Variants in OR2G6 observed in about 807,000 individuals in gnomAD.
OR2G6 encodes the protein olfactory receptor 2G6.
For missense variants in OR2G6, 457 were observed against 391.3 expected (o/e 1.17, Z -1.42); for synonymous variants, 183 against 155.2 (o/e 1.18, Z -1.33).
intron 1 of OR2G6, among the ~76,000 whole-genome samples, chr1:248,520,873 A>AAAAT (rs1553328203): frequency 7.5e-6 from 1 of 133,394 alleles, no homozygotes. Context: ...TATATATAAA[A>AAAAT]ATATATATAT....
chr1:248,522,315 A>G lies in OR2G6; in HGVS notation c.669A>G (p.Gln223=), dbSNP rs1157505483. The part of the protein sequence containing the change: ...LILVSYGFIT[Q]AVLRIKSAAG... ...TAGTCTCCTATGGCTTTATCACTCAAGCTGTGTTAAGGATAAAATCAGCTG... is the reference window on the plus strand; with the variant it reads ...TAGTCTCCTATGGCTTTATCACTCAGGCTGTGTTAAGGATAAAATCAGCTG... Residue 223 remains glutamine (Q), a synonymous_variant, in exon 2 of 2, where the codon CAA becomes CAG. Transcript: ENST00000641804. 1.2e-6 allele frequency: 2 copies of G among 1,614,010 alleles called. No homozygotes were observed. The highest frequency in any genetic ancestry group is 1.3e-5 in the African/African-American group (1 of 74,896).
Position 248,521,970 on chromosome 1 carries a change from C to A in OR2G6, c.324C>A (p.Gly108=), listed in dbSNP as rs148547980. ...AGCTCTATGTGGCCATGGGGTTGGGCTCGTCTGAGTGTATTCTCTTGGCCG... is the reference window on the plus strand; with the variant it reads ...AGCTCTATGTGGCCATGGGGTTGGGATCGTCTGAGTGTATTCTCTTGGCCG... The part of the protein sequence containing the change: ...VAQLYVAMGL[G]SSECILLAVM... The change falls in exon 2 of 2, where the codon GGC becomes GGA. Residue 108 remains glycine, a synonymous_variant. Transcript: ENST00000641804. 6 of 1,614,036 alleles carry A rather than the reference C, an allele frequency of 3.7e-6. No homozygotes were observed. The highest frequency in any genetic ancestry group is 4.2e-6 in the Non-Finnish European group (5 of 1,180,032).
rs1338623292 is a variant in OR2G6, at chr1:248,527,031, AT to A, written c.*4436del. On this transcript the variant is annotated 3_prime_UTR_variant, in exon 2 of 2. Coordinates refer to ENST00000641804, the MANE Select transcript of OR2G6 (RefSeq NM_001013355.2). The stretch of plus-strand genomic sequence containing the variant: ...TTTGTCAATTTTGGCTTTTGTTGCC[AT>A]TGCTTTTGGTGTTTTAGACATGAAG... The A allele has an allele frequency of 2.0e-5, 3 of 152,064 alleles. No homozygotes were observed. The highest frequency in any genetic ancestry group is 7.2e-5 in the African/African-American group (3 of 41,384). The allele number at this position is 152,064 out of a possible 1,614,324, so 9.4% of individuals were successfully genotyped here. A position where few individuals can be genotyped will look rare whatever the true frequency, so the allele number is the denominator to read the frequency against.
Position 248,522,814 on chromosome 1 carries a change from T to TAAAG in OR2G6, c.*220_*223dup. 1 of 522,586 alleles carries TAAAG rather than the reference T, an allele frequency of 1.9e-6. No individual in the cohort carries two copies. Among genetic ancestry groups the TAAAG allele is most frequent in the Non-Finnish European group, 3.4e-6 (1 of 298,230 alleles). The allele number at this position is 522,586 out of a possible 1,614,324, so 32.4% of individuals were successfully genotyped here. A position where few individuals can be genotyped will look rare whatever the true frequency, so the allele number is the denominator to read the frequency against. On this transcript the variant is annotated 3_prime_UTR_variant, in exon 2 of 2. Transcript: ENST00000641804. Reference sequence around the variant, plus strand: ...CAGGGACTAGGAAGCATTGGAATTCTAAAGAAGAGAAACACACCAAAGCAG... The same window carrying TAAAG: ...CAGGGACTAGGAAGCATTGGAATTCTAAAGAAAGAAGAGAAACACACCAAAGCAG...
Position 248,522,363 on chromosome 1 carries a change from G to A in OR2G6, c.717G>A (p.Gly239=), listed in dbSNP as rs779028414. 1.7e-5 allele frequency: 28 copies of A among 1,614,134 alleles called. 1 individual carries two copies. The South Asian group carries it at 3.0e-4, about 17-fold the overall frequency. The change falls in exon 2 of 2, where the codon GGG becomes GGA. Residue 239 remains glycine (G), a synonymous_variant. Transcript: ENST00000641804. ...KSAAGRQKAF[G]TCSSHLVVVI... is the part of the protein sequence containing the mutation. ...CTGCGGGCCGCCAAAAGGCCTTTGG[G>A]ACCTGTTCGTCTCACCTGGTTGTGG...
At chr1:248,519,685 G>T (rs933479454) in intron 1 of OR2G6, among the ~76,000 whole-genome samples, 1 of 152,026 alleles carries the variant, frequency 6.6e-6, no homozygotes. Flanking sequence ...TGTTCCATTG[G>T]TCTATATATC....
chr1:248,521,605 A>C lies in OR2G6; in HGVS notation c.-36-6A>C. On this transcript the variant is annotated splice_polypyrimidine_tract_variant and splice_region_variant and intron_variant, in intron 1 of 1. Coordinates refer to ENST00000641804, the MANE Select transcript of OR2G6 (RefSeq NM_001013355.2). ...TACTTTCTATCCCCAAATATTAATC[A>C]CTTAGTATTTGAAGCTGAAGAGTCC... 1 of 1,332,246 alleles carries C rather than the reference A, an allele frequency of 7.5e-7. No individual in the cohort carries two copies. Among genetic ancestry groups the C allele is most frequent in the Non-Finnish European group, 1.1e-6 (1 of 944,546 alleles). 82.5% of individuals were successfully genotyped at this position (1,332,246 alleles called of 1,614,324 possible).
Position 248,522,788 on chromosome 1 carries a change from A to G in OR2G6, c.*191A>G. The G allele has an allele frequency of 3.6e-6, 2 of 560,272 alleles. No individual in the cohort carries two copies. The highest frequency in any genetic ancestry group is 3.3e-5 in the Admixed American group (1 of 30,102). 34.7% of individuals were successfully genotyped at this position (560,272 alleles called of 1,614,324 possible). The stretch of plus-strand genomic sequence containing the variant: ...CATTCCTCTTGTCAATCCCAAAGCC[A>G]CAGGGACTAGGAAGCATTGGAATTC... On this transcript the variant is annotated 3_prime_UTR_variant, in exon 2 of 2. Transcript: ENST00000641804.
rs1491420363 is a variant in OR2G6 at position 248,523,674 on chromosome 1, CTG to C, written c.*1079_*1080del. The C allele has an allele frequency of 6.0e-5, 9 of 151,254 alleles. No homozygotes were observed. The highest frequency in any genetic ancestry group is 2.0e-4 in the African/African-American group (8 of 40,854). 9.4% of individuals were successfully genotyped at this position (151,254 alleles called of 1,614,324 possible). A position where few individuals can be genotyped will look rare whatever the true frequency, so the allele number is the denominator to read the frequency against. ...CAAACTTTTACTTTCTGATTTAATT[CTG>C]TCTCTATCTCTCTGTGTATCTTTGT... On this transcript the variant is annotated 3_prime_UTR_variant, in exon 2 of 2. Coordinates refer to ENST00000641804, the MANE Select transcript of OR2G6 (RefSeq NM_001013355.2).
chr1:248,525,317 T>C lies in OR2G6; in HGVS notation c.*2720T>C, dbSNP rs529252009. 2.3e-4 allele frequency: 35 copies of C among 152,256 alleles called. No individual in the cohort carries two copies. The South Asian group carries it at 6.6e-3, about 29-fold the overall frequency. 9.4% of individuals were successfully genotyped at this position (152,256 alleles called of 1,614,324 possible). A position where few individuals can be genotyped will look rare whatever the true frequency, so the allele number is the denominator to read the frequency against. ...ATCTGCAGAACACGTTTTCAAAGGA[T>C]GCGCCAAGAAAAAAACTATCACTTA... is the stretch of plus-strand genomic sequence containing the variant. On this transcript the variant is annotated 3_prime_UTR_variant, in exon 2 of 2. Transcript: ENST00000641804.
At chr1:248,521,524 A>G in intron 1 of OR2G6, 87 bp from the exon 2 acceptor site, 1 of 696,492 alleles carries the variant, frequency 1.4e-6, no homozygotes, top group African/African-American at 1.8e-5. Flanking sequence ...TTTAGGTGAT[A>G]TATAAGGAAG....
Position 248,519,281 on chromosome 1 carries a change from T to C in OR2G6, c.-36-2330T>C, listed in dbSNP as rs79839799. ...GGGTTTTTGGTTTTCTCCCATTCTA[T>C]AGCTTGCCTGTTCACTATGATGATA... On this transcript the variant is annotated intron_variant, in intron 1 of 1. Coordinates refer to ENST00000641804, the MANE Select transcript of OR2G6 (RefSeq NM_001013355.2). 4.5e-3 allele frequency among the ~76,000 whole-genome samples: 107 copies of C among 23,584 alleles called. 34 individuals are homozygous for C. The highest frequency in any genetic ancestry group is 0.024 in the Non-Finnish European group (71 of 2,918). The allele number at this position is 23,584 out of a possible 152,430, so 15.5% of individuals were successfully genotyped here.
rs757575654 is a variant in OR2G6, at chr1:248,522,218, A to G, written c.572A>G (p.Asp191Gly). 3 of 1,614,132 alleles carry G rather than the reference A, an allele frequency of 1.9e-6. 1 individual carries two copies. In the South Asian group the frequency reaches 3.3e-5, roughly 18 times the overall value. Residue 191 changes from aspartate to glycine, a missense_variant, in exon 2 of 2, where the codon GAT becomes GGT. Transcript: ENST00000641804. ...GTGCTCATCAAACTGGCCTGTGTGG[A>G]TACGACTTTCAACGAGGCAGAACTC... ...VPVLIKLACVDTTFNEAELFV... is the reference protein window; with the variant it reads ...VPVLIKLACVGTTFNEAELFV...
chr1:248,522,373 T>A lies in OR2G6; in HGVS notation c.727T>A (p.Ser243Thr). The A allele has an allele frequency of 1.2e-6, 2 of 1,614,204 alleles. No individual in the cohort carries two copies. Among genetic ancestry groups the A allele is most frequent in the Non-Finnish European group, 1.7e-6 (2 of 1,180,032 alleles). ...CCAAAAGGCCTTTGGGACCTGTTCGTCTCACCTGGTTGTGGTCATCATTTT... is the reference window on the plus strand; with the variant it reads ...CCAAAAGGCCTTTGGGACCTGTTCGACTCACCTGGTTGTGGTCATCATTTT... Reference protein sequence around the residue: ...GRQKAFGTCSSHLVVVIIFYG... With the variant: ...GRQKAFGTCSTHLVVVIIFYG... The change falls in exon 2 of 2, where the codon TCT becomes ACT. Residue 243 changes from serine to threonine, a missense_variant. Coordinates refer to ENST00000641804, the MANE Select transcript of OR2G6 (RefSeq NM_001013355.2).
rs529529722 is a variant in OR2G6 at position 248,524,439 on chromosome 1, T to C, written c.*1842T>C. 1 of 152,198 alleles carries C rather than the reference T, an allele frequency of 6.6e-6. No individual in the cohort carries two copies. The highest frequency in any genetic ancestry group is 1.5e-5 in the Non-Finnish European group (1 of 68,042). The allele number at this position is 152,198 out of a possible 1,614,324, so 9.4% of individuals were successfully genotyped here. A position where few individuals can be genotyped will look rare whatever the true frequency, so the allele number is the denominator to read the frequency against. On this transcript the variant is annotated 3_prime_UTR_variant, in exon 2 of 2. Coordinates refer to ENST00000641804, the MANE Select transcript of OR2G6 (RefSeq NM_001013355.2). Reference sequence around the variant, plus strand: ...ATGCTGAGGAGCACATGTTTTTATTTACAATATGCAAGTAGAGAAGTAGTT... The same window carrying C: ...ATGCTGAGGAGCACATGTTTTTATTCACAATATGCAAGTAGAGAAGTAGTT...
At position 248,525,480 on chromosome 1, in the gene OR2G6, A is replaced by G. The variant is rs1244566334; in HGVS notation, c.*2883A>G. On this transcript the variant is annotated 3_prime_UTR_variant, in exon 2 of 2. Transcript: ENST00000641804. ...TTAAGAAAAAATAAAATGATTTTAC[A>G]TAACAAATATTAATGAATTCATGAA... 1 of 151,786 alleles carries G rather than the reference A, an allele frequency of 6.6e-6. No homozygotes were observed. The highest frequency in any genetic ancestry group is 2.1e-4 in the South Asian group (1 of 4,828). The allele number at this position is 151,786 out of a possible 1,614,324, so 9.4% of individuals were successfully genotyped here.
intron 1 of OR2G6, among the ~76,000 whole-genome samples, chr1:248,521,403 AC>A (rs1157822106): frequency 6.6e-6 from 1 of 152,186 alleles, no homozygotes; most frequent in African/African-American, 2.4e-5. Context: ...AAATGTTAAT[AC>A]AATACTTTTG....
chr1:248,520,004 G>A (rs1022765523), intron 1 of OR2G6, among the ~76,000 whole-genome samples: 1 of 152,044 alleles, frequency 6.6e-6, no homozygotes, highest in East Asian at 1.9e-4. Flanking sequence ...ATTCACAACA[G>A]CAAAGACTTG....
intron 1 of OR2G6, among the ~76,000 whole-genome samples, chr1:248,508,934 C>T (rs1664205211): frequency 7.7e-6 from 1 of 130,568 alleles, no homozygotes; most frequent in Non-Finnish European, 1.6e-5. Context: ...ACTTTTTTTT[C>T]CAGGTGATTA....
Sources: gnomAD v4.1 joint callset for allele counts (sites outside exome capture counted in the v4.1 genomes callset) on GRCh38, gnomAD v4.1.1 for gene constraint, MANE v1.5 for transcripts, NCBI Gene and HGNC (gene_info 2026-07-23, HGNC 2026-07-21) for gene names.